Variants in CPA1 observed in about 807,000 individuals in gnomAD.
CPA1 encodes the protein carboxypeptidase A1 (pancreatic).
A neutral mutation model predicts 48.7 loss-of-function variants in CPA1; 42 were observed. The observed-to-expected ratio is 0.86, with a 90% CI of 0.67 to 1.11. CPA1 has a LOEUF of 1.11. Among genes scored for constraint, CPA1 ranks in the 50% most tolerant of loss-of-function variants. The probability of loss-of-function intolerance (pLI) is 0.00; values close to 1 mark genes in which losing one functional copy is unlikely to be tolerated. For synonymous variants in CPA1, 203 were observed against 217.9 expected, an observed-to-expected ratio of 0.93 and a Z score of 0.60; for missense variants, 477 against 544.7, an observed-to-expected ratio of 0.88 and a Z score of 1.24.
chr7:130,386,116 CA>C (rs1455813485), intron 9 of CPA1, 193 bp downstream of exon 9: 1 of 551,468 alleles, frequency 1.8e-6, no homozygotes, highest in Non-Finnish European at 3.2e-6. Flanking sequence ...TACTTTCAGA[CA>C]AATGTGAATT....
chr7:130,380,807 G>A (rs1284999366), intron 1 of CPA1: 2 of 557,424 alleles, frequency 3.6e-6, no homozygotes, highest in Non-Finnish European at 6.3e-6. Flanking sequence ...CTGAGGAGGA[G>A]TTTTCAGGAG....
chr7:130,381,941 C>T, intron 3 of CPA1, 78 bp downstream of exon 3: 8 of 1,381,608 alleles, frequency 5.8e-6, no homozygotes, highest in Non-Finnish European at 8.0e-6. Context: ...AGGGCCAAGG[C>T]CAGGGCCAGC....
chr7:130,383,976 A>G (rs532987707), intron 6 of CPA1, 182 bp downstream of exon 6: 9 of 623,586 alleles, frequency 1.4e-5, no homozygotes, highest in African/African-American at 1.1e-4. Context: ...ATTCTTTGTC[A>G]TGGGGGCTGT....
chr7:130,384,338 C>G (rs1190075037), intron 6 of CPA1, 198 bp from the exon 7 acceptor site: 2 of 592,050 alleles, frequency 3.4e-6, no homozygotes, highest in Middle Eastern at 4.4e-4. Flanking sequence ...CCCCGACAAC[C>G]AGCTGGGAGT....
At position 130,387,696 on chromosome 7, in the gene CPA1, G is replaced by T; in HGVS notation, c.1073-128G>T. On this transcript the variant is annotated intron_variant, in intron 9 of 9. Transcript: ENST00000011292. This position sits in a 1 kb window ranked among gnomAD's most constrained non-coding sequence, Gnocchi z 4.6. The stretch of plus-strand genomic sequence containing the variant: ...GCTGCTTGGTCAACAGCAGACCTTA[G>T]TAGACACTGACTCCACTCAGCATTG... 1.2e-6 allele frequency: 1 copy of T among 849,414 alleles called. No homozygotes were observed. The highest frequency in any genetic ancestry group is 1.9e-6 in the Non-Finnish European group (1 of 530,828). The allele number at this position is 849,414 out of a possible 1,614,324, so 52.6% of individuals were successfully genotyped here.
Position 130,388,079 on chromosome 7 carries a change from T to C in CPA1, c.*68T>C. On this transcript the variant is annotated 3_prime_UTR_variant, in exon 10 of 10. Coordinates refer to ENST00000011292, the MANE Select transcript of CPA1 (RefSeq NM_001868.4). ...TCCAGGCAACCAAATAAAGTTTGAG[T>C]GTACCAGGAACAGAATCCTGGGGCT... is the stretch of plus-strand genomic sequence containing the variant. The C allele has an allele frequency of 6.7e-7, 1 of 1,502,242 alleles. No individual in the cohort carries two copies. Among genetic ancestry groups the C allele is most frequent in the South Asian group, 1.1e-5 (1 of 88,218 alleles). 93.1% of individuals were successfully genotyped at this position (1,502,242 alleles called of 1,614,324 possible).
At position 130,385,091 on chromosome 7, in the gene CPA1, C is replaced by T. The variant is rs959267762; in HGVS notation, c.788-55C>T. The T allele has an allele frequency of 2.0e-5, 32 of 1,564,028 alleles. 2 individuals are homozygous for T. The Admixed American group carries it at 5.0e-4, about 24-fold the overall frequency. Reference sequence around the variant, plus strand: ...CAACTCCATGCAAAGAACTGGATTCCAGAAGCCACAGAAGCTGGAGGAGCC... The same window carrying T: ...CAACTCCATGCAAAGAACTGGATTCTAGAAGCCACAGAAGCTGGAGGAGCC... On this transcript the variant is annotated intron_variant, in intron 7 of 9. Transcript: ENST00000011292.
intron 3 of CPA1, 112 bp downstream of exon 3, chr7:130,381,975 T>C: frequency 8.4e-7 from 1 of 1,192,094 alleles, no homozygotes; most frequent in South Asian, 1.4e-5. Flanking sequence ...GCGCCTGCTC[T>C]GTTTCCATGT....
Position 130,387,963 on chromosome 7 carries a change from G to C in CPA1, c.1212G>C (p.Trp404Cys), listed in dbSNP as rs1554412248. The C allele has an allele frequency of 2.5e-6, 4 of 1,614,002 alleles. No homozygotes were observed. The highest frequency in any genetic ancestry group is 1.7e-5 in the Admixed American group (1 of 59,998). ...TCATCCCCACAGCCAAGGAGACGTG[G>C]CTGGCGCTTCTGACCATCATGGAGC... ...SQIIPTAKET[W>C]LALLTIMEHT... is the part of the protein sequence containing the mutation. The change falls in exon 10 of 10, where the codon TGG becomes TGC. Residue 404 changes from tryptophan to cysteine, a missense_variant. Transcript: ENST00000011292. This position sits in a 1 kb window ranked among gnomAD's most constrained non-coding sequence, Gnocchi z 4.6.
rs1554411954 is a variant in CPA1, at chr7:130,385,863, A to C, written c.1012A>C (p.Thr338Pro). The C allele has an allele frequency of 6.2e-7, 1 of 1,614,094 alleles. No homozygotes were observed. Among genetic ancestry groups the C allele is most frequent in the Admixed American group, 1.7e-5 (1 of 60,020 alleles). The change falls in exon 9 of 10, where the codon ACA (threonine) becomes CCA (proline). Residue 338 changes from threonine to proline, a missense_variant. Physicochemically the swap from Thr to Pro is conservative, Grantham distance 38. Coordinates refer to ENST00000011292, the MANE Select transcript of CPA1 (RefSeq NM_001868.4). ...GGATCAGCTTTCCAAGGCTGCTGTG[A>C]CAGCCCTGGCCTCTCTCTACGGGAC... is the stretch of plus-strand genomic sequence containing the variant. ...ELDQLSKAAV[T>P]ALASLYGTKF...
intron 7 of CPA1, 81 bp from the exon 8 acceptor site, chr7:130,385,065 C>G (rs1458991197): frequency 3.2e-5 from 46 of 1,427,480 alleles, no homozygotes; most frequent in South Asian, 1.9e-4. Flanking sequence ...CACCTCACCC[C>G]CAACTCCATG....
chr7:130,381,911 C>G lies in CPA1; in HGVS notation c.381+48C>G, dbSNP rs1554411264. ...CTCCCTGCAGCCACCAGCTCTTCATCATGGCTGGTAGAACGCGGTAGGGCC... is the reference window on the plus strand; with the variant it reads ...CTCCCTGCAGCCACCAGCTCTTCATGATGGCTGGTAGAACGCGGTAGGGCC... On this transcript the variant is annotated intron_variant, in intron 3 of 9. Coordinates refer to ENST00000011292, the MANE Select transcript of CPA1 (RefSeq NM_001868.4). 5 of 1,550,408 alleles carry G rather than the reference C, an allele frequency of 3.2e-6. No individual in the cohort carries two copies. In the Admixed American group the frequency reaches 5.1e-5, roughly 16 times the overall value.
Position 130,383,484 on chromosome 7 carries a change from G to A in CPA1, c.577G>A (p.Ala193Thr), listed in dbSNP as rs371243612. The change falls in exon 5 of 10, where the codon GCA becomes ACA. Residue 193 changes from alanine to threonine, a missense_variant. Physicochemically the swap from Ala to Thr is moderately conservative, Grantham distance 58. Transcript: ENST00000011292. ...WVTQASGVWF[A>T]KKITQDYGQD... ...CACCCAGGCCAGTGGGGTCTGGTTT[G>A]CAAAGAAGGTAAGGCCGGGGAGGTG... 1 of 1,613,932 alleles carries A rather than the reference G, an allele frequency of 6.2e-7. No individual in the cohort carries two copies. The highest frequency in any genetic ancestry group is 8.5e-7 in the Non-Finnish European group (1 of 1,179,800).
Position 130,385,825 on chromosome 7 carries a change from G to A in CPA1, c.988-14G>A. The A allele has an allele frequency of 6.2e-7, 1 of 1,611,484 alleles. No individual in the cohort carries two copies. The highest frequency in any genetic ancestry group is 8.5e-7 in the Non-Finnish European group (1 of 1,178,080). On this transcript the variant is annotated splice_polypyrimidine_tract_variant and intron_variant, in intron 8 of 9. Transcript: ENST00000011292. ...CTGGCCATGACAGGTGGCTTTGCTT[G>A]GTGTTTTGTCCAGGATCAGCTTTCC... is the stretch of plus-strand genomic sequence containing the variant.
rs535901465 is a variant in CPA1, at chr7:130,381,173, C to T, written c.141C>T (p.His47=). ...QKVKELEDLE[H]LQLDFWRGPA... Reference sequence around the variant, plus strand: ...TGAAGGAGCTGGAGGACCTGGAGCACCTGCAGGTCAGAAGAGGGGAGAAGG... The same window carrying T: ...TGAAGGAGCTGGAGGACCTGGAGCATCTGCAGGTCAGAAGAGGGGAGAAGG... The change falls in exon 2 of 10, where the codon CAC becomes CAT. Residue 47 remains histidine, a synonymous_variant. Transcript: ENST00000011292. 3.7e-5 allele frequency: 60 copies of T among 1,612,006 alleles called. No individual in the cohort carries two copies. In the South Asian group the frequency reaches 5.9e-4, roughly 16 times the overall value.
intron 6 of CPA1, 196 bp from the exon 7 acceptor site, chr7:130,384,340 G>C (rs1248027921): frequency 1.7e-6 from 1 of 592,432 alleles, no homozygotes; most frequent in African/African-American, 1.9e-5. Context: ...CCGACAACCA[G>C]CTGGGAGTGG....
Position 130,383,491 on chromosome 7 carries a change from A to T in CPA1, c.584A>T (p.Lys195Met). ...TQASGVWFAK[K>M]ITQDYGQDAA... is the part of the protein sequence containing the mutation. The stretch of plus-strand genomic sequence containing the variant: ...GCCAGTGGGGTCTGGTTTGCAAAGA[A>T]GGTAAGGCCGGGGAGGTGAGGAGGG... Residue 195 changes from lysine (K) to methionine (M), a missense_variant and splice_region_variant, in exon 5 of 10, where the codon AAG becomes ATG. Lys to Met is a moderately conservative substitution (Grantham distance 95). Transcript: ENST00000011292. The T allele has an allele frequency of 6.2e-7, 1 of 1,613,546 alleles. No homozygotes were observed. Among genetic ancestry groups the T allele is most frequent in the Non-Finnish European group, 8.5e-7 (1 of 1,179,510 alleles).
intron 6 of CPA1, chr7:130,384,116 T>C: frequency 2.2e-6 from 1 of 451,970 alleles, no homozygotes; most frequent in Non-Finnish European, 4.0e-6. Context: ...AGGGTCAAGA[T>C]TGTCCCCAGT....
chr7:130,384,607 C>G lies in CPA1; in HGVS notation c.768C>G (p.Asn256Lys), dbSNP rs1796449608. 6.2e-7 allele frequency: 1 copy of G among 1,614,040 alleles called. No homozygotes were observed. Among genetic ancestry groups the G allele is most frequent in the Non-Finnish European group, 8.5e-7 (1 of 1,179,998 alleles). ...GTATTGGCGTGGACCCCAACAGGAA[C>G]TGGGACGCTGGCTTTGGGTGTAAGG... ...SLCIGVDPNRNWDAGFGLSGA... is the reference protein window; with the variant it reads ...SLCIGVDPNRKWDAGFGLSGA... The change falls in exon 7 of 10, where the codon AAC (asparagine) becomes AAG (lysine). Residue 256 changes from asparagine to lysine, a missense_variant. Physicochemically the swap from Asn to Lys is moderately conservative, Grantham distance 94 (BLOSUM62 0). Coordinates refer to ENST00000011292, the MANE Select transcript of CPA1 (RefSeq NM_001868.4).
Sources: gnomAD v4.1 joint callset for allele counts on GRCh38, gnomAD v4.1.1 for gene constraint, Gnocchi (gnomAD v3.1) non-coding constraint, MANE v1.5 for transcripts, NCBI Gene and HGNC (gene_info 2026-07-23, HGNC 2026-07-21) for gene names.